C16orf95: variants seen among roughly 807,000 people sequenced by gnomAD.
C16orf95 encodes chromosome 16 open reading frame 95.
C16orf95 carries 41 observed loss-of-function variants against 32.1 expected under a neutral mutation model. The observed-to-expected ratio is 1.28, with a 90% confidence interval of 1.00 to 1.66. The LOEUF (loss-of-function observed/expected upper bound fraction) is 1.66. Ranked by LOEUF, C16orf95 falls within the 40% of genes most tolerant of loss-of-function variation. The pLI, the probability that C16orf95 is intolerant of heterozygous loss-of-function variation, is 0.00. For synonymous variants in C16orf95, 147 were observed against 128.9 expected (o/e 1.14, Z -0.95); for missense variants, 399 against 325.9 (o/e 1.22, Z -1.73).
Position 87,311,074 on chromosome 16 carries a change from T to C in C16orf95, c.477+76A>G, listed in dbSNP as rs1382455820. 2.2e-6 allele frequency: 3 copies of C among 1,334,482 alleles called. No individual in the cohort carries two copies. In the African/African-American group the frequency reaches 4.4e-5, roughly 19 times the overall value. The allele number at this position is 1,334,482 out of a possible 1,614,324, so 82.7% of individuals were successfully genotyped here. On this transcript the variant is annotated intron_variant, in intron 4 of 6. Coordinates refer to ENST00000567970, the MANE Select transcript of C16orf95 (RefSeq NM_001195124.3). ...AGAGCCCAGGTACCCCTCTTCCCCTTCTTCCTCCCATCTCCCCTTCCCCCG... is the reference window on the plus strand; with the variant it reads ...AGAGCCCAGGTACCCCTCTTCCCCTCCTTCCTCCCATCTCCCCTTCCCCCG...
intron 3 of C16orf95, among the ~76,000 whole-genome samples, chr16:87,313,870 G>T (rs996858061): frequency 6.6e-6 from 1 of 152,046 alleles, no homozygotes; most frequent in Admixed American, 6.6e-5. Context: ...CTTTTAAAGG[G>T]GCAAAACAAA....
chr16:87,317,106 C>G lies in C16orf95; in HGVS notation c.137G>C (p.Ser46Thr). 2 of 1,527,266 alleles carry G rather than the reference C, an allele frequency of 1.3e-6. No individual in the cohort carries two copies. The highest frequency in any genetic ancestry group is 1.8e-6 in the Non-Finnish European group (2 of 1,141,602). The allele number at this position is 1,527,266 out of a possible 1,614,324, so 94.6% of individuals were successfully genotyped here. ...VGLCRLALTP[S>T]AQDGRNSTFQ... is the part of the protein sequence containing the mutation. ...ACTCACTTGCCTGCCATCCTGCGCG[C>G]TGGGTGTGAGTGCCAACCTGCAGAG... Residue 46 changes from serine to threonine, a missense_variant, in exon 1 of 7, where the codon AGC becomes ACC. By Grantham distance (58) the Ser-to-Thr change is moderately conservative. Transcript: ENST00000567970.
chr16:87,315,194 G>A (rs1294568415), intron 2 of C16orf95, 98 bp from the exon 3 acceptor site: 1 of 1,291,944 alleles, frequency 7.7e-7, no homozygotes, highest in Non-Finnish European at 1.0e-6. Context: ...CAGGAAGATG[G>A]TGTCCGGGGG....
At position 87,305,390 on chromosome 16, in the gene C16orf95, C is replaced by A. The variant is rs1445922796; in HGVS notation, c.701+329G>T. On this transcript the variant is annotated intron_variant, in intron 6 of 6. Transcript: ENST00000567970. This position sits in a 1 kb window ranked among gnomAD's most constrained non-coding sequence, Gnocchi z 4.2. ...AGTGGCTGTTAAGATGCACCGTCAA[C>A]CCCAACATAACAATGAAAATTTATG... is the stretch of plus-strand genomic sequence containing the variant. 6.6e-6 allele frequency among the ~76,000 whole-genome samples: 1 copy of A among 151,784 alleles called. No homozygotes were observed. Among genetic ancestry groups the A allele is most frequent in the African/African-American group, 2.4e-5 (1 of 41,332 alleles).
rs117697052 is a variant in C16orf95 at position 87,317,126 on chromosome 16, G to A, written c.117C>T (p.Cys39=). 117 of 1,533,040 alleles carry A rather than the reference G, an allele frequency of 7.6e-5. No individual in the cohort carries two copies. Among genetic ancestry groups the A allele is most frequent in the Non-Finnish European group, 9.8e-5 (112 of 1,145,182 alleles). The allele number at this position is 1,533,040 out of a possible 1,614,324, so 95.0% of individuals were successfully genotyped here. ...GGPGAGCVGL[C]RLALTPSAQD... ...GCGCGCTGGGTGTGAGTGCCAACCT[G>A]CAGAGCCCGACGCACCCCGCGCCCG... The change falls in exon 1 of 7, where the codon TGC becomes TGT. Residue 39 remains cysteine, a synonymous_variant. Transcript: ENST00000567970.
chr16:87,317,067 G>A (rs775455810), intron 1 of C16orf95, 24 bp downstream of exon 1: 5 of 1,483,494 alleles, frequency 3.4e-6, no homozygotes, highest in South Asian at 1.3e-5. Context: ...GGGTAGCCGC[G>A]GGCAGGATTC....
intron 2 of C16orf95, 58 bp downstream of exon 2, chr16:87,315,713 CT>C: frequency 7.5e-7 from 1 of 1,326,188 alleles, no homozygotes; most frequent in South Asian, 1.5e-5. Flanking sequence ...CCCTGCTCTC[CT>C]CACCCCACAG....
chr16:87,315,247 AC>A (rs1221303477), intron 2 of C16orf95, among the ~76,000 whole-genome samples, 151 bp from the exon 3 acceptor site: 1 of 152,190 alleles, frequency 6.6e-6, no homozygotes, highest in Non-Finnish European at 1.5e-5. Context: ...GAGGCAGGCT[AC>A]CGTGGCTCGC....
At chr16:87,313,557 G>A (rs541655560) in intron 3 of C16orf95, among the ~76,000 whole-genome samples, 2 of 152,114 alleles carry the variant, frequency 1.3e-5, no homozygotes, top group African/African-American at 4.8e-5. Flanking sequence ...AACATAGTGA[G>A]ACCTCATCTC....
At chr16:87,309,654 G>T (rs943809125) in intron 5 of C16orf95, among the ~76,000 whole-genome samples, 3 of 151,972 alleles carry the variant, frequency 2.0e-5, no homozygotes. Flanking sequence ...AAAGTGCTGG[G>T]ACTACAGGTG....
intron 3 of C16orf95, among the ~76,000 whole-genome samples, chr16:87,312,271 T>C (rs910183187): frequency 7.2e-5 from 11 of 152,076 alleles, no homozygotes; most frequent in East Asian, 3.9e-4. Context: ...GTAGAGGCTA[T>C]TAGACACGGG....
In C16orf95 at chr16:87,315,234, A is replaced by G. The variant is rs565417708; in HGVS notation, c.205-138T>C. The G allele has an allele frequency of 8.7e-5, 79 of 908,834 alleles. No individual in the cohort carries two copies. The African/African-American group carries it at 1.1e-3, about 13-fold the overall frequency. 56.3% of individuals were successfully genotyped at this position (908,834 alleles called of 1,614,324 possible). ...GTCCCCAGCTCCTACTGCAGCTTGGAAAGAGGCAGGCTACCGTGGCTCGCC... is the reference window on the plus strand; with the variant it reads ...GTCCCCAGCTCCTACTGCAGCTTGGGAAGAGGCAGGCTACCGTGGCTCGCC... On this transcript the variant is annotated intron_variant, in intron 2 of 6. Coordinates refer to ENST00000567970, the MANE Select transcript of C16orf95 (RefSeq NM_001195124.3).
At position 87,305,663 on chromosome 16, in the gene C16orf95, A is replaced by T; in HGVS notation, c.701+56T>A. On this transcript the variant is annotated intron_variant, in intron 6 of 6. Coordinates refer to ENST00000567970, the MANE Select transcript of C16orf95 (RefSeq NM_001195124.3). This position sits in a 1 kb window ranked among gnomAD's most constrained non-coding sequence, Gnocchi z 4.2. ...CCCTGATGGCCACCAAGCCTCCCTC[A>T]GGTGGACGTCACCATGCCAGGGCCA... 7.1e-7 allele frequency: 1 copy of T among 1,411,218 alleles called. No individual in the cohort carries two copies. Among genetic ancestry groups the T allele is most frequent in the Non-Finnish European group, 9.3e-7 (1 of 1,075,402 alleles). 87.4% of individuals were successfully genotyped at this position (1,411,218 alleles called of 1,614,324 possible).
chr16:87,317,061 A>G, intron 1 of C16orf95, 30 bp downstream of exon 1: 3 of 1,480,038 alleles, frequency 2.0e-6, no homozygotes, highest in Non-Finnish European at 2.7e-6. Context: ...GGTGTCGGGT[A>G]GCCGCGGGCA....
intron 6 of C16orf95, among the ~76,000 whole-genome samples, chr16:87,304,076 C>T (rs930252448): frequency 1.1e-4 from 16 of 152,040 alleles, no homozygotes; most frequent in African/African-American, 3.4e-4. Flanking sequence ...CTGGAGTGCA[C>T]TGGCACAATC....
chr16:87,312,461 C>T (rs150259157), intron 3 of C16orf95, among the ~76,000 whole-genome samples: 197 of 149,946 alleles, frequency 1.3e-3, no homozygotes, highest in African/African-American at 4.7e-3. Flanking sequence ...CTCAGCTACC[C>T]GGGAGACTGA....
chr16:87,313,954 G>A (rs1597347279), intron 3 of C16orf95, among the ~76,000 whole-genome samples: 1 of 152,042 alleles, frequency 6.6e-6, no homozygotes, highest in Non-Finnish European at 1.5e-5. Flanking sequence ...CAATTATCAC[G>A]GGTATACAAA....
chr16:87,305,810 G>C lies in C16orf95; in HGVS notation c.610C>G (p.Gln204Glu). 6.6e-7 allele frequency: 1 copy of C among 1,511,182 alleles called. No homozygotes were observed. The highest frequency in any genetic ancestry group is 8.8e-7 in the Non-Finnish European group (1 of 1,135,132). 93.6% of individuals were successfully genotyped at this position (1,511,182 alleles called of 1,614,324 possible). A position where few individuals can be genotyped will look rare whatever the true frequency, so the allele number is the denominator to read the frequency against. ...GCTGCAGGAGCCGGTAGCTGGTCCT[G>C]GTAGGGGGCCTGGAGCTGCTGGAAC... The part of the protein sequence containing the change: ...SKFQQLQAPY[Q>E]DQLPAPAARL... The change falls in exon 6 of 7, where the codon CAG (glutamine) becomes GAG (glutamate). Residue 204 changes from glutamine (Q) to glutamate (E), a missense_variant. Transcript: ENST00000567970. The surrounding 1 kb of genome is among the most constrained non-coding windows in gnomAD (Gnocchi z 4.2).
intron 3 of C16orf95, among the ~76,000 whole-genome samples, chr16:87,312,338 G>A (rs1911317735): frequency 6.6e-6 from 1 of 152,204 alleles, no homozygotes; most frequent in Non-Finnish European, 1.5e-5. Flanking sequence ...GGAGGCCAAG[G>A]CAGGTGGATC....
Sources: allele counts gnomAD v4.1 joint callset (sites outside exome capture counted in the v4.1 genomes callset), GRCh38; gene constraint gnomAD v4.1.1; non-coding constraint Gnocchi (gnomAD v3.1); transcripts MANE v1.5; gene names NCBI Gene and HGNC (gene_info 2026-07-23, HGNC 2026-07-21).